The following IGDCC3 variants were observed in gnomAD, a reference collection of about 807,000 sequenced individuals.
IGDCC3 encodes the protein putative neuronal cell adhesion molecule.
IGDCC3 carries 47 observed loss-of-function variants against 72.0 expected under a neutral mutation model. That is an observed-to-expected ratio of 0.65 (90% CI 0.52 to 0.83). The LOEUF (loss-of-function observed/expected upper bound fraction) is 0.83, where lower values mean the gene tolerates loss of function less well. IGDCC3 is among the 40% of genes least tolerant of loss of function. The pLI is 0.00. For missense variants in IGDCC3, 1,038 were observed against 1,091.3 expected (o/e 0.95, Z 0.69); for synonymous variants, 477 against 472.8 (o/e 1.01, Z -0.11).
At chr15:65,374,861 C>T (rs553211924) in intron 2 of IGDCC3, among the ~76,000 whole-genome samples, 1 of 152,316 alleles carries the variant, frequency 6.6e-6, no homozygotes, top group Non-Finnish European at 1.5e-5. Flanking sequence ...CCCCGACTCC[C>T]CTATGGGTGT....
intron 2 of IGDCC3, among the ~76,000 whole-genome samples, chr15:65,358,757 C>G (rs1017601769): frequency 1.3e-5 from 2 of 152,166 alleles, no homozygotes; most frequent in African/African-American, 4.8e-5. Context: ...AACTCCTGGG[C>G]TCAACCGATC....
At chr15:65,352,166 C>T (rs2091178969) in intron 2 of IGDCC3, among the ~76,000 whole-genome samples, 1 of 152,140 alleles carries the variant, frequency 6.6e-6, no homozygotes, top group South Asian at 2.1e-4. Context: ...GTTGCTGATC[C>T]TTTGTTTTTC....
At chr15:65,351,348 C>G (rs913999336) in intron 2 of IGDCC3, among the ~76,000 whole-genome samples, 3 of 152,164 alleles carry the variant, frequency 2.0e-5, no homozygotes, top group African/African-American at 7.2e-5. Flanking sequence ...TCCTGGCTAA[C>G]ACGGTGAAAC....
At chr15:65,332,227 A>C in intron 6 of IGDCC3, 121 bp from the exon 7 acceptor site, 1 of 1,196,986 alleles carries the variant, frequency 8.4e-7, no homozygotes, top group Non-Finnish European at 1.2e-6. Context: ...CCAAACACAC[A>C]TCTGCCCCCT....
intron 2 of IGDCC3, among the ~76,000 whole-genome samples, chr15:65,346,674 G>A (rs2091127474): frequency 2.0e-5 from 3 of 152,082 alleles, no homozygotes; most frequent in Non-Finnish European, 4.4e-5. Context: ...GGCCAGGCTG[G>A]TCTTGAACTC....
intron 2 of IGDCC3, among the ~76,000 whole-genome samples, chr15:65,374,605 C>T (rs1325875248): frequency 6.6e-6 from 1 of 152,074 alleles, no homozygotes; most frequent in Non-Finnish European, 1.5e-5. Flanking sequence ...TATTAACAAG[C>T]TCCAGAATTT....
chr15:65,330,834 C>G lies in IGDCC3; in HGVS notation c.1562-93G>C, dbSNP rs565678. ...GTGACCCCGACCCCCAAAAGCCTGA[C>G]AGCCCTCTGGCCTCTGGCCAAGGGC... On this transcript the variant is annotated intron_variant, in intron 9 of 13. Transcript: ENST00000327987. 8,299 of 1,204,536 alleles carry G rather than the reference C, an allele frequency of 6.9e-3. 251 individuals carry two copies. In the African/African-American group the frequency reaches 0.08, roughly 12 times the overall value. The allele number at this position is 1,204,536 out of a possible 1,614,324, so 74.6% of individuals were successfully genotyped here.
chr15:65,368,173 C>CACACAT (rs966288459), intron 2 of IGDCC3, among the ~76,000 whole-genome samples: 2 of 150,742 alleles, frequency 1.3e-5, no homozygotes, highest in African/African-American at 4.9e-5. Context: ...CACACACACA[C>CACACAT]ACACACACAC....
chr15:65,358,824 T>G (rs752446831), intron 2 of IGDCC3, among the ~76,000 whole-genome samples: 1 of 152,104 alleles, frequency 6.6e-6, no homozygotes, highest in Non-Finnish European at 1.5e-5. Flanking sequence ...TTTATCTAAT[T>G]AATTAGTTTA....
chr15:65,352,765 C>G (rs1166611519), intron 2 of IGDCC3, among the ~76,000 whole-genome samples: 1 of 152,166 alleles, frequency 6.6e-6, no homozygotes, highest in Non-Finnish European at 1.5e-5. Context: ...TACAAATAAT[C>G]AGGCCAAGTA....
chr15:65,357,148 G>A (rs892650264), intron 2 of IGDCC3, among the ~76,000 whole-genome samples: 12 of 151,652 alleles, frequency 7.9e-5, no homozygotes, highest in African/African-American at 2.4e-4. Flanking sequence ...CACCACACCC[G>A]GCCTGGACCT....
At chr15:65,336,822 C>T (rs1450586860) in intron 2 of IGDCC3, among the ~76,000 whole-genome samples, 1 of 152,066 alleles carries the variant, frequency 6.6e-6, no homozygotes, top group African/African-American at 2.4e-5. Context: ...CATGCCCAAA[C>T]CCCACCCTGT....
At chr15:65,367,531 TAATAA>T (rs552138044) in intron 2 of IGDCC3, among the ~76,000 whole-genome samples, 22 of 151,488 alleles carry the variant, frequency 1.5e-4, no homozygotes, top group South Asian at 4.2e-4. Context: ...AGTATAATAA[TAATAA>T]AATAAAATAA....
At chr15:65,335,490 G>T in intron 3 of IGDCC3, 69 bp from the exon 4 acceptor site, 1 of 1,505,180 alleles carries the variant, frequency 6.6e-7, no homozygotes, top group Non-Finnish European at 9.1e-7. Flanking sequence ...AAGACTCTGG[G>T]CATCCAAGAT....
chr15:65,329,788 G>C lies in IGDCC3; in HGVS notation c.1935C>G (p.Ile645Met). The C allele has an allele frequency of 6.2e-7, 1 of 1,614,152 alleles. No homozygotes were observed. Among genetic ancestry groups the C allele is most frequent in the Non-Finnish European group, 8.5e-7 (1 of 1,180,026 alleles). The stretch of plus-strand genomic sequence containing the variant: ...AGATGATGCAAGTGACCCCGATGTG[G>C]ATGCCGATGACGATGCCTGTGGTGG... ...QTSTTGIVIG[I>M]HIGVTCIIFC... is the part of the protein sequence containing the mutation. Residue 645 changes from isoleucine to methionine, a missense_variant, in exon 12 of 14, where the codon ATC becomes ATG. Transcript: ENST00000327987. The surrounding 1 kb of genome is among the most constrained non-coding windows in gnomAD (Gnocchi z 4.1).
intron 10 of IGDCC3, 38 bp downstream of exon 10, chr15:65,330,512 T>C: frequency 1.2e-6 from 2 of 1,600,780 alleles, no homozygotes; most frequent in Non-Finnish European, 1.7e-6. Context: ...CGCCGCACTC[T>C]GCCAAGCCCC....
chr15:65,332,184 G>A, intron 6 of IGDCC3, 78 bp from the exon 7 acceptor site: 3 of 1,489,980 alleles, frequency 2.0e-6, no homozygotes, highest in Non-Finnish European at 2.7e-6. Flanking sequence ...AACAGGGGAT[G>A]GGACTGGAGA....
At chr15:65,334,266 G>A (rs2091006230) in intron 5 of IGDCC3, among the ~76,000 whole-genome samples, 1 of 152,144 alleles carries the variant, frequency 6.6e-6, no homozygotes, top group African/African-American at 2.4e-5. Flanking sequence ...ATTTAGGCTG[G>A]GGGACTTAGG....
At position 65,328,994 on chromosome 15, in the gene IGDCC3, TCTG is replaced by T; in HGVS notation, c.2357_2359del (p.Pro786_Asp787delinsHis). 1 of 1,610,948 alleles carries T rather than the reference TCTG, an allele frequency of 6.2e-7. No individual in the cohort carries two copies. Among genetic ancestry groups the T allele is most frequent in the Non-Finnish European group, 8.5e-7 (1 of 1,178,930 alleles). ...TTCACTGAGGAGGCCAGGGCCTCCA[TCTG>T]GGGGTGGTGGGGCAGCCGCCAGGCC... is the stretch of plus-strand genomic sequence containing the variant. On this transcript the variant is annotated inframe_deletion, in exon 14 of 14. Coordinates refer to ENST00000327987, the MANE Select transcript of IGDCC3 (RefSeq NM_004884.4).
Sources: allele counts gnomAD v4.1 joint callset (sites outside exome capture counted in the v4.1 genomes callset), GRCh38; gene constraint gnomAD v4.1.1; non-coding constraint Gnocchi (gnomAD v3.1); transcripts MANE v1.5; gene names NCBI Gene and HGNC (gene_info 2026-07-23, HGNC 2026-07-21).